Variants in SVIL observed in about 807,000 individuals in gnomAD.
SVIL encodes the protein archvillin.
Under a neutral mutation model 240.4 loss-of-function variants are expected in SVIL, and 101 were observed. The ratio of observed to expected loss-of-function variants is 0.42; its 90% CI spans 0.36 to 0.50. The LOEUF is 0.50. Among genes scored for constraint, SVIL ranks in the 20% least tolerant of loss-of-function variants. The pLI is 0.01. For synonymous variants in SVIL, 999 were observed against 1,100.0 expected, an observed-to-expected ratio of 0.91 and a Z score of 1.82; for missense variants, 2,512 against 2,818.7, an observed-to-expected ratio of 0.89 and a Z score of 2.46.
chr10:29,692,667 T>A (rs1961605298), intron 1 of SVIL, among the ~76,000 whole-genome samples: 1 of 150,418 alleles, frequency 6.6e-6, no homozygotes, highest in Admixed American at 6.7e-5. Context: ...AAATATATTT[T>A]TTTAATATAA....
chr10:29,584,072 G>A (rs771510544), intron 1 of SVIL, among the ~76,000 whole-genome samples: 3 of 152,220 alleles, frequency 2.0e-5, no homozygotes, highest in Non-Finnish European at 4.4e-5. Flanking sequence ...GTGTGACGAA[G>A]GAAGGCTTCC....
chr10:29,468,016 G>T (rs1176316560), intron 32 of SVIL, 141 bp from the exon 33 acceptor site: 13 of 947,666 alleles, frequency 1.4e-5, no homozygotes, highest in Non-Finnish European at 1.9e-5. Flanking sequence ...CTCTTTTTAT[G>T]TGTACAGATT....
chr10:29,550,059 G>GA (rs35956858), intron 6 of SVIL, among the ~76,000 whole-genome samples: 45,543 of 131,232 alleles, frequency 0.35, 8,378 homozygotes, highest in East Asian at 0.43. Context: ...AAAAGAAAAA[G>GA]AAAAAAAAAA....
intron 1 of SVIL, among the ~76,000 whole-genome samples, chr10:29,705,568 T>A (rs896787878): frequency 6.6e-6 from 1 of 152,150 alleles, no homozygotes; most frequent in African/African-American, 2.4e-5. Context: ...TTGCTGTGCC[T>A]ATCAACCCAT....
At chr10:29,641,921 G>T (rs1958498042) in intron 3 of SVIL, among the ~76,000 whole-genome samples, 1 of 152,146 alleles carries the variant, frequency 6.6e-6, no homozygotes, top group Admixed American at 6.5e-5. Flanking sequence ...AAAACTCAAG[G>T]ATGTCCAGCC....
At chr10:29,674,693 T>C (rs1038305876) in intron 2 of SVIL, among the ~76,000 whole-genome samples, 1 of 152,164 alleles carries the variant, frequency 6.6e-6, no homozygotes, top group African/African-American at 2.4e-5. Flanking sequence ...AAATTCTTAT[T>C]TATAGTTTTA....
At chr10:29,707,697 AG>A (rs999116695) in intron 1 of SVIL, among the ~76,000 whole-genome samples, 5 of 152,214 alleles carry the variant, frequency 3.3e-5, no homozygotes, top group Non-Finnish European at 5.9e-5. Flanking sequence ...GATTATAATC[AG>A]TTTAAAATAA....
intron 1 of SVIL, among the ~76,000 whole-genome samples, chr10:29,726,046 C>G (rs1964271039): frequency 6.6e-6 from 1 of 152,166 alleles, no homozygotes; most frequent in African/African-American, 2.4e-5. Flanking sequence ...TTCAGCCACC[C>G]AAGTATCTAG....
intron 7 of SVIL, among the ~76,000 whole-genome samples, chr10:29,535,700 C>T (rs1951695921): frequency 5.9e-5 from 9 of 152,056 alleles, no homozygotes; most frequent in Admixed American, 5.9e-4. Context: ...CCTCACTGGC[C>T]AGTCCTATGT....
chr10:29,466,558 C>T (rs767901142), intron 33 of SVIL, among the ~76,000 whole-genome samples: 7 of 152,070 alleles, frequency 4.6e-5, no homozygotes, highest in Non-Finnish European at 1.0e-4. Flanking sequence ...AAAAAGTATT[C>T]AAACTGCATT....
At position 29,533,072 on chromosome 10, in the gene SVIL, C is replaced by CCTT. The variant is rs772199949; in HGVS notation, c.1292_1294dup (p.Glu431dup). The CCTT allele has an allele frequency of 6.7e-5, 108 of 1,610,014 alleles. No homozygotes were observed. Among genetic ancestry groups the CCTT allele is most frequent in the Middle Eastern group, 1.6e-4 (1 of 6,072 alleles). On this transcript the variant is annotated inframe_insertion, in exon 8 of 38. Transcript: ENST00000355867. ...TTCTTTTTCTTCTCCTTCTCCTTCCCCTTCTTCTTCTTCTGCTTTTGACTC... is the reference window on the plus strand; with the variant it reads ...TTCTTTTTCTTCTCCTTCTCCTTCCCCTTCTTCTTCTTCTTCTGCTTTTGACTC...
intron 16 of SVIL, among the ~76,000 whole-genome samples, chr10:29,517,995 A>G (rs1950323951): frequency 6.6e-6 from 1 of 152,256 alleles, no homozygotes; most frequent in Non-Finnish European, 1.5e-5. Context: ...GTCAGAAAAT[A>G]GCAATTTTAC....
rs151298800 is a variant in SVIL at position 29,527,009 on chromosome 10, G to T, written c.2294C>A (p.Ala765Glu). 1 of 1,612,916 alleles carries T rather than the reference G, an allele frequency of 6.2e-7. No homozygotes were observed. Among genetic ancestry groups the T allele is most frequent in the Non-Finnish European group, 8.5e-7 (1 of 1,179,598 alleles). The change falls in exon 13 of 38, where the codon GCG becomes GAG. Residue 765 changes from alanine (A) to glutamate (E), a missense_variant. Around this residue, in one of 3 missense-constraint regions of SVIL, gnomAD observed 1,443 missense variants for 1,486.6 expected, o/e 0.97. Transcript: ENST00000355867. The part of the protein sequence containing the change: ...SCSGGTHPVM[A>E]RLPSPTVARS... ...AGCTACAGTGGGGCTAGGAAGTCTC[G>T]CCATTACAGGGTGGGTGCCCCCAGA...
chr10:29,487,980 T>C (rs1340779521), intron 23 of SVIL, among the ~76,000 whole-genome samples: 2 of 152,090 alleles, frequency 1.3e-5, no homozygotes, highest in African/African-American at 4.8e-5. Context: ...GATATTTCCT[T>C]CATTCTCATC....
chr10:29,509,356 A>AGAGAGAGAGAG (rs1564541250), intron 17 of SVIL, among the ~76,000 whole-genome samples: 3 of 120,162 alleles, frequency 2.5e-5, no homozygotes, highest in Non-Finnish European at 3.7e-5. Context: ...AGAGAGAGAG[A>AGAGAGAGAGAG]GAGAGAGAGA....
At chr10:29,678,674 T>C (rs1314736226) in intron 2 of SVIL, among the ~76,000 whole-genome samples, 1 of 152,228 alleles carries the variant, frequency 6.6e-6, no homozygotes, top group Non-Finnish European at 1.5e-5. Flanking sequence ...CTGTTCAGTA[T>C]AATGCAGGTA....
intron 22 of SVIL, among the ~76,000 whole-genome samples, chr10:29,490,447 A>G (rs1289642401): frequency 6.6e-6 from 1 of 152,114 alleles, no homozygotes; most frequent in East Asian, 1.9e-4. Context: ...AAAAAACTCA[A>G]CAAAACAGGG....
chr10:29,602,381 A>G (rs759733000), intron 1 of SVIL: 18 of 486,742 alleles, frequency 3.7e-5, no homozygotes, highest in South Asian at 2.6e-4. Flanking sequence ...GCCTTGTCTC[A>G]CCCTCCCTTC....
intron 1 of SVIL, among the ~76,000 whole-genome samples, chr10:29,727,694 A>T (rs1196576583): frequency 1.3e-5 from 2 of 151,296 alleles, no homozygotes; most frequent in East Asian, 3.9e-4. Flanking sequence ...CTTTTCACTT[A>T]TTGCAGAACT....
Sources: allele counts gnomAD v4.1 joint callset (sites outside exome capture counted in the v4.1 genomes callset), GRCh38; gene constraint gnomAD v4.1.1; regional missense constraint gnomAD v4.1.1; transcripts MANE v1.5; gene names NCBI Gene and HGNC (gene_info 2026-07-23, HGNC 2026-07-21).